Variants in ACTN1 observed in about 807,000 individuals in gnomAD.
ACTN1 encodes the protein alpha-actinin-1.
A neutral mutation model predicts 119.6 loss-of-function variants in ACTN1; 30 were observed. That is an observed-to-expected ratio of 0.25 (90% CI 0.19 to 0.34). ACTN1 has a LOEUF of 0.34. Among genes scored for constraint, ACTN1 ranks in the 10% least tolerant of loss-of-function variants. The pLI is 1.00. For missense variants in ACTN1, 764 were observed against 1,223.4 expected (o/e 0.62, Z 5.60); for synonymous variants, 429 against 472.6 (o/e 0.91, Z 1.20).
rs58500225 is a variant in ACTN1, at chr14:68,881,955, T to TTTTTTTTTTTTTTTTTTTTTTTTTTTGA, written c.1953+502_1953+503insTCAAAAAAAAAAAAAAAAAAAAAAAAAA. ...CAGCTTCTTTTTTTTTTTTTTTTTTTGACAGAGTCTTGCTCTGTTGCCCAA... is the reference window on the plus strand; with the variant it reads ...CAGCTTCTTTTTTTTTTTTTTTTTTTTTTTTTTTTTTTTTTTTTTTTTTTTTGAGACAGAGTCTTGCTCTGTTGCCCAA... On this transcript the variant is annotated intron_variant, in intron 16 of 21. Coordinates refer to ENST00000394419, the MANE Select transcript of ACTN1 (RefSeq NM_001130004.2). Among the ~76,000 whole-genome samples, 87 of 102,954 alleles carry TTTTTTTTTTTTTTTTTTTTTTTTTTTGA rather than the reference T, an allele frequency of 8.5e-4. 10 individuals are homozygous for TTTTTTTTTTTTTTTTTTTTTTTTTTTGA. The highest frequency in any genetic ancestry group is 1.0e-3 in the Non-Finnish European group (56 of 54,192). The allele number at this position is 102,954 out of a possible 152,430, so 67.5% of individuals were successfully genotyped here.
Position 68,881,235 on chromosome 14 carries a change from G to A in ACTN1, c.1954-246C>T, listed in dbSNP as rs60524523. 0.019 allele frequency: 7,851 copies of A among 416,204 alleles called. 493 individuals carry two copies. The highest frequency in any genetic ancestry group is 0.14 in the African/African-American group (7,098 of 49,834). The allele number at this position is 416,204 out of a possible 1,614,324, so 25.8% of individuals were successfully genotyped here. On this transcript the variant is annotated intron_variant, in intron 16 of 21. Coordinates refer to ENST00000394419, the MANE Select transcript of ACTN1 (RefSeq NM_001130004.2). ...TTGGATGAAATACCTACCAACTCTC[G>A]GGTACCTGTCAGCCTCAGAAAGGGG...
In ACTN1 at chr14:68,882,619, T is replaced by C; in HGVS notation, c.1819-27A>G. The C allele has an allele frequency of 6.2e-7, 1 of 1,613,228 alleles. No homozygotes were observed. The highest frequency in any genetic ancestry group is 8.5e-7 in the Non-Finnish European group (1 of 1,179,422). On this transcript the variant is annotated intron_variant, in intron 15 of 21. Coordinates refer to ENST00000394419, the MANE Select transcript of ACTN1 (RefSeq NM_001130004.2). The surrounding 1 kb of genome is among the most constrained non-coding windows in gnomAD (Gnocchi z 4.5). ...TGGGGCAGGAACAACAAGGCGACTT[T>C]CAGGATGGGTCAGCCATCTGTCCAT... is the stretch of plus-strand genomic sequence containing the variant.
In ACTN1 at chr14:68,904,713, A is replaced by G. The variant is rs2140255106; in HGVS notation, c.618T>C (p.Asn206=). The G allele has an allele frequency of 6.2e-7, 1 of 1,614,072 alleles. No homozygotes were observed. Among genetic ancestry groups the G allele is most frequent in the South Asian group, 1.1e-5 (1 of 91,082 alleles). The change falls in exon 7 of 22, where the codon AAT becomes AAC. Residue 206 remains asparagine, a synonymous_variant. Transcript: ENST00000394419. ...LRKDDPLTNL[N]TAFDVAEKYL... ...ACTTCTCTGCCACGTCAAAAGCCGT[A>G]TTCAGATTTGTGAGTGGATCATCCT...
chr14:68,878,946 C>T lies in ACTN1; in HGVS notation c.2361+43G>A. The T allele has an allele frequency of 6.2e-7, 1 of 1,612,416 alleles. No individual in the cohort carries two copies. The highest frequency in any genetic ancestry group is 8.5e-7 in the Non-Finnish European group (1 of 1,179,626). ...AAGGAAAAACGCATTATTTCTTGCC[C>T]CAGACGCCACCCCTGAGCGTGCTCC... On this transcript the variant is annotated intron_variant, in intron 19 of 21. Coordinates refer to ENST00000394419, the MANE Select transcript of ACTN1 (RefSeq NM_001130004.2). The surrounding 1 kb of genome is among the most constrained non-coding windows in gnomAD (Gnocchi z 4.4).
intron 3 of ACTN1, among the ~76,000 whole-genome samples, chr14:68,912,863 T>C (rs890067323): frequency 1.3e-5 from 2 of 152,184 alleles, no homozygotes; most frequent in Non-Finnish European, 2.9e-5. Flanking sequence ...GGAGGATTTC[T>C]AAGCAATCAC....
intron 8 of ACTN1, among the ~76,000 whole-genome samples, chr14:68,901,796 C>T (rs995039464): frequency 7.2e-5 from 11 of 152,206 alleles, no homozygotes; most frequent in African/African-American, 2.7e-4. Context: ...CACGACTGAA[C>T]TTTAATCTCA....
Position 68,885,516 on chromosome 14 carries a change from C to T in ACTN1, c.1294G>A (p.Ala432Thr), listed in dbSNP as rs1454176065. Residue 432 changes from alanine to threonine, a missense_variant, in exon 12 of 22, where the codon GCC becomes ACC. This residue lies in a region of ACTN1 where 544 missense variants were observed against 912.0 expected (regional missense o/e 0.60). Coordinates refer to ENST00000394419, the MANE Select transcript of ACTN1 (RefSeq NM_001130004.2). This position sits in a 1 kb window ranked among gnomAD's most constrained non-coding sequence, Gnocchi z 5.6. ...YETATLSEIK[A>T]LLKKHEAFES... ...AAGGCCTCATGCTTCTTGAGCAGGG[C>T]CTTGATCTCCGAGAGGGTGGCGGTC... 1 of 1,614,108 alleles carries T rather than the reference C, an allele frequency of 6.2e-7. No homozygotes were observed. The highest frequency in any genetic ancestry group is 8.5e-7 in the Non-Finnish European group (1 of 1,180,018).
chr14:68,960,825 C>T (rs922260480), intron 1 of ACTN1, among the ~76,000 whole-genome samples: 2 of 151,960 alleles, frequency 1.3e-5, no homozygotes, highest in Admixed American at 1.3e-4. Flanking sequence ...GTAATCCTGG[C>T]ACTTTGGAAG....
chr14:68,950,728 A>AT (rs1566667768), intron 1 of ACTN1, among the ~76,000 whole-genome samples: 1 of 151,760 alleles, frequency 6.6e-6, no homozygotes, highest in South Asian at 2.1e-4. Flanking sequence ...CGCCTGGCTA[A>AT]TTTTTTGTAT....
intron 1 of ACTN1, among the ~76,000 whole-genome samples, chr14:68,959,851 T>C (rs2036469828): frequency 6.6e-6 from 1 of 152,168 alleles, no homozygotes; most frequent in Non-Finnish European, 1.5e-5. Context: ...CACTATGCAG[T>C]AGAAAATCCA....
intron 1 of ACTN1, among the ~76,000 whole-genome samples, chr14:68,962,757 T>A (rs569385006): frequency 6.6e-6 from 1 of 152,262 alleles, no homozygotes; most frequent in Non-Finnish European, 1.5e-5. Flanking sequence ...GAGCCTGCTC[T>A]AAGCAGCCCA....
chr14:68,876,355 AAC>A (rs2030889601), intron 21 of ACTN1, among the ~76,000 whole-genome samples: 1 of 152,146 alleles, frequency 6.6e-6, no homozygotes, highest in Non-Finnish European at 1.5e-5. Context: ...TACTGAACAG[AAC>A]ACAGACCCTA....
In ACTN1 at chr14:68,975,047, C is replaced by T. The variant is rs567796937; in HGVS notation, c.105+3905G>A. The stretch of plus-strand genomic sequence containing the variant: ...GGGTGTCCAAGTCCGACACAGCCTG[C>T]AGATTTTCCTCTCTCTGTAGTCCTC... On this transcript the variant is annotated intron_variant, in intron 1 of 21. Coordinates refer to ENST00000394419, the MANE Select transcript of ACTN1 (RefSeq NM_001130004.2). 1.1e-4 allele frequency among the ~76,000 whole-genome samples: 17 copies of T among 152,356 alleles called. No individual in the cohort carries two copies. The South Asian group carries it at 3.3e-3, about 30-fold the overall frequency.
intron 1 of ACTN1, among the ~76,000 whole-genome samples, chr14:68,963,116 G>A (rs2036592463): frequency 6.6e-6 from 1 of 151,378 alleles, no homozygotes; most frequent in South Asian, 2.1e-4. Flanking sequence ...ACCTCCCCTT[G>A]ACCCTGCCCC....
At chr14:68,881,838 G>T (rs1190947240) in intron 16 of ACTN1, among the ~76,000 whole-genome samples, 1 of 151,990 alleles carries the variant, frequency 6.6e-6, no homozygotes, top group African/African-American at 2.4e-5. Context: ...AGGAGGAGGA[G>T]AGGAAGGGGA....
chr14:68,937,205 T>G (rs1038827558), intron 1 of ACTN1, among the ~76,000 whole-genome samples: 5 of 151,964 alleles, frequency 3.3e-5, no homozygotes, highest in African/African-American at 1.2e-4. Flanking sequence ...CCTTGTAAAG[T>G]TTTTTAGATC....
intron 1 of ACTN1, chr14:68,978,276 C>T (rs1305054812): frequency 6.6e-6 from 3 of 454,118 alleles, no homozygotes; most frequent in Non-Finnish European, 1.3e-5. Context: ...TTACAGCTTC[C>T]AACCCACTGA....
rs754618872 is a variant in ACTN1 at position 68,874,824 on chromosome 14, C to T, written c.*35G>A. The T allele has an allele frequency of 6.5e-7, 1 of 1,527,104 alleles. No individual in the cohort carries two copies. Among genetic ancestry groups the T allele is most frequent in the Admixed American group, 1.9e-5 (1 of 52,406 alleles). The allele number at this position is 1,527,104 out of a possible 1,614,324, so 94.6% of individuals were successfully genotyped here. The stretch of plus-strand genomic sequence containing the variant: ...GACGGCGGAGGTGCAAGGCAGGGCA[C>T]GGCGCACAAGACGAGGGCGGCCGGG... On this transcript the variant is annotated 3_prime_UTR_variant, in exon 22 of 22. Transcript: ENST00000394419.
chr14:68,901,739 T>C (rs1443128613), intron 8 of ACTN1, among the ~76,000 whole-genome samples: 3 of 152,202 alleles, frequency 2.0e-5, no homozygotes, highest in Admixed American at 6.5e-5. Flanking sequence ...GTCCACAGCA[T>C]GGACAGTGCC....
Sources: allele counts gnomAD v4.1 joint callset (sites outside exome capture counted in the v4.1 genomes callset), GRCh38; gene constraint gnomAD v4.1.1; regional missense constraint gnomAD v4.1.1; non-coding constraint Gnocchi (gnomAD v3.1); transcripts MANE v1.5; gene names NCBI Gene and HGNC (gene_info 2026-07-23, HGNC 2026-07-21).